GPM6A: variants seen among roughly 807,000 people sequenced by gnomAD.
GPM6A encodes neuronal membrane glycoprotein M6-a.
In GPM6A, 7 loss-of-function variants were observed where a neutral mutation model predicts 32.1. That is an observed-to-expected ratio of 0.22 (90% CI 0.12 to 0.41). The LOEUF is 0.41. Among genes scored for constraint, GPM6A ranks in the 10% least tolerant of loss-of-function variants. The pLI, the probability that GPM6A is intolerant of heterozygous loss-of-function variation, is 1.00. For missense variants in GPM6A, 235 were observed against 347.2 expected (o/e 0.68, Z 2.57); for synonymous variants, 130 against 123.4 (o/e 1.05, Z -0.35).
chr4:175,808,485 T>C (rs1045644601), intron 1 of GPM6A: 2 of 152,104 alleles, frequency 1.3e-5, no homozygotes, highest in African/African-American at 2.4e-5. Context: ...AAATTAAAGA[T>C]ACGCTGAAAT....
chr4:175,966,324 C>G (rs1241903482), intron 1 of GPM6A, among the ~76,000 whole-genome samples: 1 of 151,876 alleles, frequency 6.6e-6, no homozygotes, highest in East Asian at 1.9e-4. Flanking sequence ...ATCTCTTGAG[C>G]CCATGAGGTG....
intron 1 of GPM6A, among the ~76,000 whole-genome samples, chr4:175,776,005 G>A (rs1231884504): frequency 2.6e-5 from 4 of 152,062 alleles, no homozygotes; most frequent in East Asian, 1.9e-4. Flanking sequence ...GAAAACCTTC[G>A]ATTATAAAAA....
At chr4:175,772,616 T>G (rs1436558397) in intron 1 of GPM6A, among the ~76,000 whole-genome samples, 1 of 152,034 alleles carries the variant, frequency 6.6e-6, no homozygotes, top group African/African-American at 2.4e-5. Flanking sequence ...CCACTCCCTC[T>G]GGAGGAAAGA....
At chr4:175,771,498 G>A (rs1418027531) in intron 1 of GPM6A, among the ~76,000 whole-genome samples, 1 of 148,826 alleles carries the variant, frequency 6.7e-6, no homozygotes. Context: ...TTGAACCTGG[G>A]AGGCAGAGGC....
At chr4:175,775,662 C>A (rs987465494) in intron 1 of GPM6A, among the ~76,000 whole-genome samples, 4 of 152,070 alleles carry the variant, frequency 2.6e-5, no homozygotes, top group Admixed American at 2.0e-4. Flanking sequence ...AAAGGACTAC[C>A]TATTAATTGT....
chr4:175,636,352 T>C (rs886646931), intron 6 of GPM6A, among the ~76,000 whole-genome samples: 2 of 147,614 alleles, frequency 1.4e-5, no homozygotes, highest in Non-Finnish European at 3.0e-5. Context: ...TTATGCAGTA[T>C]TTTGTTGCTG....
intron 4 of GPM6A, among the ~76,000 whole-genome samples, chr4:175,647,880 A>G (rs779669003): frequency 6.6e-6 from 1 of 152,190 alleles, no homozygotes; most frequent in Non-Finnish European, 1.5e-5. Context: ...AATAAATGCT[A>G]TACAGCAATA....
chr4:175,822,658 T>TG (rs1372874827), intron 1 of GPM6A, among the ~76,000 whole-genome samples: 6 of 42,976 alleles, frequency 1.4e-4, no homozygotes, highest in South Asian at 2.6e-3. Flanking sequence ...ATGCTTTTTT[T>TG]TTTGTTTTTT....
chr4:175,671,303 CA>C (rs58918034), intron 3 of GPM6A, among the ~76,000 whole-genome samples: 296 of 139,320 alleles, frequency 2.1e-3, no homozygotes, highest in African/African-American at 2.5e-3. Context: ...ATACTTGTTG[CA>C]AAAAAAAAAA....
rs150418096 is a variant in GPM6A, at chr4:175,735,285, G to A, written c.38-33518C>T. ...GATTTTAGGAGTTTAAAATCCTGGC[G>A]TCATATAAAGAGAAAACTGATTATA... On this transcript the variant is annotated intron_variant, in intron 1 of 6. Coordinates refer to ENST00000393658, the MANE Select transcript of GPM6A (RefSeq NM_201591.3). Among the ~76,000 whole-genome samples, 361 of 152,166 alleles carry A rather than the reference G, an allele frequency of 2.4e-3. 3 individuals carry two copies. The highest frequency in any genetic ancestry group is 5.5e-3 in the African/African-American group (230 of 41,514).
chr4:175,878,887 A>G (rs1737176332), intron 1 of GPM6A, among the ~76,000 whole-genome samples: 2 of 152,274 alleles, frequency 1.3e-5, no homozygotes, highest in South Asian at 4.1e-4. Flanking sequence ...ATTCCAAACC[A>G]TATCTTTGTG....
intron 1 of GPM6A, among the ~76,000 whole-genome samples, chr4:175,853,242 G>A (rs1270090911): frequency 6.6e-6 from 1 of 152,006 alleles, no homozygotes; most frequent in Non-Finnish European, 1.5e-5. Context: ...CATATTTAGA[G>A]TGATTATTTC....
chr4:175,648,700 C>T (rs889904335), intron 4 of GPM6A, among the ~76,000 whole-genome samples: 1 of 152,174 alleles, frequency 6.6e-6, no homozygotes, highest in Non-Finnish European at 1.5e-5. Context: ...CACCCACATG[C>T]CTTGGCTCTT....
chr4:175,869,455 TA>T (rs201808513), intron 1 of GPM6A, among the ~76,000 whole-genome samples: 6 of 151,174 alleles, frequency 4.0e-5, no homozygotes, highest in South Asian at 4.2e-4. Context: ...TTTATTTATT[TA>T]AAAAAAAACA....
intron 1 of GPM6A, among the ~76,000 whole-genome samples, chr4:175,991,264 C>G (rs182896443): frequency 0.017 from 2,443 of 143,356 alleles, 52 homozygotes; most frequent in African/African-American, 0.06. Flanking sequence ...TTAGTAGAAA[C>G]GGAGTTTCAC....
At chr4:175,994,801 G>A (rs1741253999) in intron 1 of GPM6A, among the ~76,000 whole-genome samples, 1 of 152,198 alleles carries the variant, frequency 6.6e-6, no homozygotes, top group South Asian at 2.1e-4. Context: ...TGTAGCATGT[G>A]ATGCTGTTGG....
chr4:175,727,999 G>A (rs567824873), intron 1 of GPM6A, among the ~76,000 whole-genome samples: 26 of 74,706 alleles, frequency 3.5e-4, no homozygotes, highest in East Asian at 3.1e-3. Context: ...GCGAGACTCC[G>A]TTTCAAAAAA....
At chr4:175,997,992 C>T (rs565092898) in intron 1 of GPM6A, among the ~76,000 whole-genome samples, 1 of 152,288 alleles carries the variant, frequency 6.6e-6, no homozygotes, top group South Asian at 2.1e-4. Context: ...TATACTCACA[C>T]TTTCAAATAG....
chr4:175,901,337 G>A (rs1366396388), intron 1 of GPM6A, among the ~76,000 whole-genome samples: 1 of 152,120 alleles, frequency 6.6e-6, no homozygotes, highest in African/African-American at 2.4e-5. Flanking sequence ...TCGAGAGGAT[G>A]AATACCTCAT....
Sources: gnomAD v4.1 joint callset for allele counts (sites outside exome capture counted in the v4.1 genomes callset) on GRCh38, gnomAD v4.1.1 for gene constraint, MANE v1.5 for transcripts, NCBI Gene and HGNC (gene_info 2026-07-23, HGNC 2026-07-21) for gene names.